The following SMARCC2 variants were observed in gnomAD, a reference collection of about 807,000 sequenced individuals.
SMARCC2 encodes the protein SWI/SNF related BAF chromatin remodeling complex subunit C2.
A neutral mutation model predicts 151.3 loss-of-function variants in SMARCC2; 15 were observed. The ratio of observed to expected loss-of-function variants is 0.10; its 90% confidence interval spans 0.07 to 0.15. The LOEUF is 0.15. SMARCC2 is among the 10% of genes least tolerant of loss of function. The pLI, the probability that SMARCC2 is intolerant of heterozygous loss-of-function variation, is 1.00. For synonymous variants in SMARCC2, 590 were observed against 609.5 expected (o/e 0.97, Z 0.47); for missense variants, 1,031 against 1,599.7 (o/e 0.64, Z 6.06).
Position 56,165,555 on chromosome 12 carries a change from C to T in SMARCC2, c.2995G>A (p.Gly999Ser), listed in dbSNP as rs1872622518. Residue 999 changes from glycine to serine, a missense_variant, in exon 27 of 29, where the codon GGC (glycine) becomes AGC (serine). Physicochemically the swap from Gly to Ser is moderately conservative, Grantham distance 56 (BLOSUM62 0). Around this residue, in one of 12 missense-constraint regions of SMARCC2, gnomAD observed 310 missense variants for 350.0 expected, o/e 0.89. Transcript: ENST00000550164. Reference protein sequence around the residue: ...QQQPPPALPPGSQPIPPTGAA... With the variant: ...QQQPPPALPPSSQPIPPTGAA... ...CCTGTTGGGGGGATAGGCTGGGAGCCTGGGGGCAGGGCTGGTGGTGGCTGC... is the reference window on the plus strand; with the variant it reads ...CCTGTTGGGGGGATAGGCTGGGAGCTTGGGGGCAGGGCTGGTGGTGGCTGC... 6.2e-7 allele frequency: 1 copy of T among 1,612,782 alleles called. No homozygotes were observed. The highest frequency in any genetic ancestry group is 8.5e-7 in the Non-Finnish European group (1 of 1,179,798).
At chr12:56,175,304 C>T (rs1483720531) in intron 15 of SMARCC2, among the ~76,000 whole-genome samples, 1 of 152,160 alleles carries the variant, frequency 6.6e-6, no homozygotes, top group African/African-American at 2.4e-5. Context: ...AGCCACTGCA[C>T]CTAGCCATTT....
At chr12:56,183,661 A>G in intron 7 of SMARCC2, 200 bp downstream of exon 7, 1 of 501,532 alleles carries the variant, frequency 2.0e-6, no homozygotes, top group Non-Finnish European at 3.6e-6. Flanking sequence ...TCACACATAA[A>G]GCCTCAATCC....
chr12:56,187,600 C>T (rs1877501911), intron 1 of SMARCC2, among the ~76,000 whole-genome samples: 1 of 152,130 alleles, frequency 6.6e-6, no homozygotes, highest in South Asian at 2.1e-4. Context: ...ATTATCTTGG[C>T]ACCTCATCTT....
At chr12:56,180,518 C>G (rs534490928) in intron 11 of SMARCC2, among the ~76,000 whole-genome samples, 2 of 151,990 alleles carry the variant, frequency 1.3e-5, no homozygotes, top group African/African-American at 4.8e-5. Context: ...ATTCTCCTGC[C>G]TCGGTCTCCC....
At position 56,181,404 on chromosome 12, in the gene SMARCC2, G is replaced by A. The variant is rs773643; in HGVS notation, c.956+78C>T. 77,588 of 928,526 alleles carry A rather than the reference G, an allele frequency of 0.084. 3,595 individuals are homozygous for A. Among genetic ancestry groups the A allele is most frequent in the Non-Finnish European group, 0.09 (55,053 of 609,150 alleles). The allele number at this position is 928,526 out of a possible 1,614,324, so 57.5% of individuals were successfully genotyped here. ...CCAGGTCAGGGCCAGGTGGTTATAG[G>A]AAGGGATTTGTCTTTCCTTCCTTCA... On this transcript the variant is annotated intron_variant, in intron 10 of 28. Transcript: ENST00000550164.
chr12:56,186,825 G>A (rs1877355118), intron 2 of SMARCC2: 2 of 192,032 alleles, frequency 1.0e-5, no homozygotes, highest in East Asian at 2.8e-4. Flanking sequence ...AGAGATGAAG[G>A]AACCAAGACT....
At position 56,165,631 on chromosome 12, in the gene SMARCC2, C is replaced by T. The variant is rs116595430; in HGVS notation, c.2919G>A (p.Ala973=). ...QAFHMEQLKY[A]EMRARQQHFQ... Reference sequence around the variant, plus strand: ...AGTGCTGCTGCCGAGCCCTCATCTCCGCATACTTCAGCTGCTCCATGTGGA... The same window carrying T: ...AGTGCTGCTGCCGAGCCCTCATCTCTGCATACTTCAGCTGCTCCATGTGGA... Residue 973 remains alanine (A), a synonymous_variant, in exon 27 of 29, where the codon GCG becomes GCA. Transcript: ENST00000550164. The T allele has an allele frequency of 7.3e-4, 1,176 of 1,613,588 alleles. 3 individuals carry two copies. The African/African-American group carries it at 0.01, about 14-fold the overall frequency.
rs927947536 is a variant in SMARCC2, at chr12:56,167,991, C to A, written c.2850+69G>T. The A allele has an allele frequency of 2.6e-6, 4 of 1,514,160 alleles. No homozygotes were observed. In the Admixed American group the frequency reaches 5.1e-5, roughly 19 times the overall value. 93.8% of individuals were successfully genotyped at this position (1,514,160 alleles called of 1,614,324 possible). A position where few individuals can be genotyped will look rare whatever the true frequency, so the allele number is the denominator to read the frequency against. On this transcript the variant is annotated intron_variant, in intron 26 of 28. Transcript: ENST00000550164. ...ACACACACACACACACACACACACACACACACACGCCCCTCCGATTTTAAA... is the reference window on the plus strand; with the variant it reads ...ACACACACACACACACACACACACAAACACACACGCCCCTCCGATTTTAAA...
At chr12:56,166,276 G>A (rs1293622008) in intron 26 of SMARCC2, among the ~76,000 whole-genome samples, 1 of 152,032 alleles carries the variant, frequency 6.6e-6, no homozygotes, top group East Asian at 1.9e-4. Flanking sequence ...CGAGTAGCTG[G>A]GATTACAGGT....
intron 7 of SMARCC2, among the ~76,000 whole-genome samples, chr12:56,182,785 C>A (rs999813648): frequency 7.3e-6 from 1 of 137,080 alleles, no homozygotes; most frequent in African/African-American, 3.2e-5. Context: ...TAATCATAAC[C>A]ATACTAGATG....
At chr12:56,168,231 G>A (rs767309838) in intron 25 of SMARCC2, 37 bp from the exon 26 acceptor site, 3 of 1,612,168 alleles carry the variant, frequency 1.9e-6, no homozygotes, top group East Asian at 2.2e-5. Context: ...ATCAGTGGGA[G>A]GACCCAACTG....
intron 5 of SMARCC2, 54 bp from the exon 6 acceptor site, chr12:56,184,298 G>T: frequency 3.0e-6 from 4 of 1,343,738 alleles, no homozygotes; most frequent in Non-Finnish European, 4.2e-6. Context: ...AATTACTCAA[G>T]GTTTAGCCAC....
intron 7 of SMARCC2, 182 bp downstream of exon 7, chr12:56,183,679 C>A: frequency 1.9e-6 from 1 of 525,020 alleles, no homozygotes. Flanking sequence ...TCCTTTTAGC[C>A]CAAGGCTTGT....
Position 56,171,564 on chromosome 12 carries a change from G to A in SMARCC2, c.2185+115C>T. On this transcript the variant is annotated intron_variant, in intron 21 of 28. Coordinates refer to ENST00000550164, the MANE Select transcript of SMARCC2 (RefSeq NM_001330288.2). This position sits in a 1 kb window ranked among gnomAD's most constrained non-coding sequence, Gnocchi z 4.2. ...GAGCCTAGACAGGTGCCTGAGCTGA[G>A]GCCCGCACAGACAAGGCCAGCAGGG... The A allele has an allele frequency of 1.3e-6, 2 of 1,484,756 alleles. No homozygotes were observed. Among genetic ancestry groups the A allele is most frequent in the Non-Finnish European group, 1.8e-6 (2 of 1,092,070 alleles). The allele number at this position is 1,484,756 out of a possible 1,614,324, so 92.0% of individuals were successfully genotyped here.
intron 17 of SMARCC2, 94 bp from the exon 18 acceptor site, chr12:56,173,123 A>T: frequency 9.7e-7 from 1 of 1,028,744 alleles, no homozygotes; most frequent in Non-Finnish European, 1.5e-6. Context: ...GCGGCCCACA[A>T]GCTCTGGGGG....
chr12:56,172,363 T>G, intron 20 of SMARCC2, 65 bp downstream of exon 20: 17 of 1,422,636 alleles, frequency 1.2e-5, no homozygotes, highest in South Asian at 8.4e-5. Flanking sequence ...ATTACAGGCG[T>G]GAGCCTCTAC....
chr12:56,178,929 A>G (rs572531327), intron 12 of SMARCC2, 68 bp downstream of exon 12: 1 of 1,602,862 alleles, frequency 6.2e-7, no homozygotes, highest in Admixed American at 1.7e-5. Context: ...AGGCTAGCGA[A>G]AAGGGGGCAG....
At chr12:56,168,707 G>A (rs929145807) in intron 25 of SMARCC2, among the ~76,000 whole-genome samples, 7 of 152,074 alleles carry the variant, frequency 4.6e-5, no homozygotes, top group Non-Finnish European at 1.0e-4. Flanking sequence ...GGCCAGGTGT[G>A]ATGGCTCATG....
At position 56,171,162 on chromosome 12, in the gene SMARCC2, C is replaced by T; in HGVS notation, c.2347+109G>A. 9.6e-7 allele frequency: 1 copy of T among 1,039,188 alleles called. No individual in the cohort carries two copies. Among genetic ancestry groups the T allele is most frequent in the Non-Finnish European group, 1.4e-6 (1 of 692,490 alleles). 64.4% of individuals were successfully genotyped at this position (1,039,188 alleles called of 1,614,324 possible). A position where few individuals can be genotyped will look rare whatever the true frequency, so the allele number is the denominator to read the frequency against. On this transcript the variant is annotated intron_variant, in intron 22 of 28. Transcript: ENST00000550164. This position sits in a 1 kb window ranked among gnomAD's most constrained non-coding sequence, Gnocchi z 4.2. ...GGAAAATAAAAACCCTACCAATGTT[C>T]TCATTCATGTTGTGCTCTAATGCCA...
Sources: allele counts gnomAD v4.1 joint callset (sites outside exome capture counted in the v4.1 genomes callset), GRCh38; gene constraint gnomAD v4.1.1; regional missense constraint gnomAD v4.1.1; non-coding constraint Gnocchi (gnomAD v3.1); transcripts MANE v1.5; gene names NCBI Gene and HGNC (gene_info 2026-07-23, HGNC 2026-07-21).